Variants in GLRA2 observed in about 807,000 individuals in gnomAD.
GLRA2 encodes the protein glycine receptor alpha 2.
GLRA2 carries 11 observed loss-of-function variants against 31.6 expected under a neutral mutation model. That is an observed-to-expected ratio of 0.35 (90% CI 0.22 to 0.58). The LOEUF is 0.58. GLRA2 is among the 20% of genes least tolerant of loss of function. The pLI is 0.84. For missense variants in GLRA2, 212 were observed against 351.8 expected, an observed-to-expected ratio of 0.60 and a Z score of 3.18; for synonymous variants, 132 against 134.0, an observed-to-expected ratio of 0.99 and a Z score of 0.10.
At chrX:14,536,916 C>T (rs1390326192) in intron 2 of GLRA2, among the ~76,000 whole-genome samples, 7 of 111,610 alleles carry the variant, frequency 6.3e-5, no homozygotes, top group Non-Finnish European at 1.3e-4. Flanking sequence ...AAGAATACAG[C>T]ATATGATTTT....
intron 2 of GLRA2, among the ~76,000 whole-genome samples, chrX:14,554,817 G>T (rs2147032127): frequency 9.0e-6 from 1 of 111,507 alleles, no homozygotes; most frequent in Non-Finnish European, 1.9e-5. Flanking sequence ...CCACAGTGGG[G>T]GAAGGAAGTC....
At chrX:14,461,058 G>A in the GLRA2 span, among the ~76,000 whole-genome samples, 2 of 111,717 alleles carry the variant, frequency 1.8e-5, no homozygotes, top group Non-Finnish European at 3.8e-5. Context: ...GGTACATTGT[G>A]TATTTGTTCT....
At chrX:14,652,568 G>A (rs1280446967) in intron 7 of GLRA2, among the ~76,000 whole-genome samples, 1 of 111,221 alleles carries the variant, frequency 9.0e-6, no homozygotes, top group Admixed American at 9.6e-5. Context: ...TTTCAAACTT[G>A]TTCATTATTG....
the GLRA2 span, among the ~76,000 whole-genome samples, chrX:14,456,333 T>G: frequency 8.9e-6 from 1 of 111,792 alleles, no homozygotes; most frequent in Non-Finnish European, 1.9e-5. Context: ...ATCCATTATC[T>G]CCAACATTTA....
intron 2 of GLRA2, among the ~76,000 whole-genome samples, chrX:14,566,622 C>T (rs1286370333): frequency 2.7e-5 from 3 of 111,762 alleles, no homozygotes; most frequent in African/African-American, 6.5e-5. Flanking sequence ...GACATAGTCT[C>T]ATATTCTTCT....
At chrX:14,620,974 C>T (rs1236571316) in intron 7 of GLRA2, among the ~76,000 whole-genome samples, 1 of 111,722 alleles carries the variant, frequency 9.0e-6, no homozygotes, top group Non-Finnish European at 1.9e-5. Flanking sequence ...TGCATTCTGA[C>T]ATGGGGCTTA....
At chrX:14,501,173 G>A in the GLRA2 span, among the ~76,000 whole-genome samples, 1 of 110,426 alleles carries the variant, frequency 9.1e-6, no homozygotes, top group Non-Finnish European at 1.9e-5. Context: ...AACCCACCAT[G>A]ACACAGTAAT....
At chrX:14,536,741 A>G (rs1466444525) in intron 2 of GLRA2, among the ~76,000 whole-genome samples, 1 of 111,152 alleles carries the variant, frequency 9.0e-6, no homozygotes, top group African/African-American at 3.3e-5. Flanking sequence ...CCTGAGGTAA[A>G]TCACTCTTTA....
chrX:14,463,397 G>A, the GLRA2 span, among the ~76,000 whole-genome samples: 1 of 111,682 alleles, frequency 9.0e-6, no homozygotes, highest in Non-Finnish European at 1.9e-5. Context: ...GTCAGGCCGG[G>A]ATGTTTAAAT....
chrX:14,504,410 T>TTTTTTG, the GLRA2 span, among the ~76,000 whole-genome samples: 7 of 111,744 alleles, frequency 6.3e-5, no homozygotes, highest in African/African-American at 2.0e-4. Context: ...AAACAGGTTT[T>TTTTTTG]TTTTTGTTTT....
At chrX:14,695,340 T>A (rs2091430216) in intron 8 of GLRA2, among the ~76,000 whole-genome samples, 1 of 111,805 alleles carries the variant, frequency 8.9e-6, no homozygotes, top group African/African-American at 3.2e-5. Flanking sequence ...TGGGGGGATA[T>A]ATTTTTTCCA....
At chrX:14,685,012 G>T (rs2091259674) in intron 7 of GLRA2, among the ~76,000 whole-genome samples, 1 of 111,492 alleles carries the variant, frequency 9.0e-6, no homozygotes, top group Non-Finnish European at 1.9e-5. Context: ...TTTATTGAGA[G>T]TTTTTAGCAT....
chrX:14,602,936 G>C (rs1400273274), intron 4 of GLRA2, among the ~76,000 whole-genome samples: 2 of 111,616 alleles, frequency 1.8e-5, no homozygotes, highest in Non-Finnish European at 1.9e-5. Flanking sequence ...TCTCTGGGTA[G>C]ATACCCAGTA....
chrX:14,531,086 T>C, intron 1 of GLRA2: 2 of 955,892 alleles, frequency 2.1e-6, no homozygotes, highest in Non-Finnish European at 1.4e-6. Flanking sequence ...GGCTGGTTTT[T>C]ATTAGAATCA....
intron 2 of GLRA2, among the ~76,000 whole-genome samples, chrX:14,567,727 A>C (rs1268443930): frequency 1.8e-5 from 2 of 112,009 alleles, no homozygotes; most frequent in Non-Finnish European, 3.8e-5. Flanking sequence ...CGTATAGAAA[A>C]CCCCAAAGAA....
the GLRA2 span, among the ~76,000 whole-genome samples, chrX:14,523,521 T>C: frequency 1.8e-5 from 2 of 112,504 alleles, no homozygotes; most frequent in Admixed American, 9.5e-5. Context: ...ACTTTTGGCC[T>C]ATCTCAGCTT....
chrX:14,615,475 A>C (rs2090444738), intron 7 of GLRA2, among the ~76,000 whole-genome samples: 1 of 111,656 alleles, frequency 9.0e-6, no homozygotes, highest in South Asian at 3.7e-4. Context: ...ATGTAGGATA[A>C]AAAGATATAT....
At chrX:14,696,190 GGGAGGGAGAATGGGAT>G (rs1376277907) in intron 8 of GLRA2, among the ~76,000 whole-genome samples, 1 of 101,041 alleles carries the variant, frequency 9.9e-6, no homozygotes, top group African/African-American at 3.6e-5. Context: ...GAGAGTGGGA[GGGAGGGAGAATGGGAT>G]GGAGGGAGAG....
the GLRA2 span, among the ~76,000 whole-genome samples, chrX:14,493,658 C>T: frequency 1.1e-5 from 1 of 94,374 alleles, no homozygotes; most frequent in Non-Finnish European, 2.0e-5. Flanking sequence ...TACATATGTA[C>T]ACATATATAT....
Sources: gnomAD v4.1 joint callset for allele counts (sites outside exome capture counted in the v4.1 genomes callset) on GRCh38, gnomAD v4.1.1 for gene constraint, MANE v1.5 for transcripts, NCBI Gene and HGNC (gene_info 2026-07-23, HGNC 2026-07-21) for gene names.